The following CHLSN variants were observed in gnomAD, a reference collection of about 807,000 sequenced individuals.
CHLSN encodes protein cholesin.
chr7:1,022,935 G>T, the CHLSN span: 1 of 458,062 alleles, frequency 2.2e-6, no homozygotes, highest in South Asian at 1.5e-5. Flanking sequence ...TGGTCCCGGC[G>T]CAGACACTGG....
At chr7:1,051,786 C>T in the CHLSN span, among the ~76,000 whole-genome samples, 1 of 152,202 alleles carries the variant, frequency 6.6e-6, no homozygotes, top group East Asian at 1.9e-4. Context: ...CTAGCCTGGG[C>T]AACATAGTGA....
the CHLSN span, among the ~76,000 whole-genome samples, chr7:1,082,962 T>C: frequency 6.6e-6 from 1 of 152,202 alleles, no homozygotes; most frequent in Non-Finnish European, 1.5e-5. Context: ...TCCCCGAGGC[T>C]CCTTGAGGAA....
At chr7:1,015,135 C>T in the CHLSN span, among the ~76,000 whole-genome samples, 3 of 152,226 alleles carry the variant, frequency 2.0e-5, no homozygotes, top group African/African-American at 4.8e-5. Flanking sequence ...CAGCCGTGGC[C>T]TCACACCAGG....
the CHLSN span, chr7:1,093,486 G>A: frequency 2.1e-6 from 1 of 469,962 alleles, no homozygotes. Flanking sequence ...AGGCCCACGA[G>A]GAGCAGCAGC....
At chr7:1,102,443 G>A in the CHLSN span, among the ~76,000 whole-genome samples, 1 of 152,248 alleles carries the variant, frequency 6.6e-6, no homozygotes, top group Non-Finnish European at 1.5e-5. Flanking sequence ...CCACGACTGT[G>A]AAGCTCACAG....
chr7:1,044,771 TG>T, the CHLSN span: 2 of 152,190 alleles, frequency 1.3e-5, no homozygotes, highest in African/African-American at 4.8e-5. Flanking sequence ...CTGCGCTTAC[TG>T]GGACCCGGGT....
chr7:982,714 T>G, the CHLSN span, among the ~76,000 whole-genome samples: 1 of 152,220 alleles, frequency 6.6e-6, no homozygotes, highest in Non-Finnish European at 1.5e-5. Context: ...CGTGGGGAGC[T>G]GATCAGAGAA....
At chr7:1,123,517 G>A in the CHLSN span, among the ~76,000 whole-genome samples, 5 of 152,108 alleles carry the variant, frequency 3.3e-5, no homozygotes, top group African/African-American at 9.7e-5. This position sits in a 1 kb window ranked among gnomAD's most constrained non-coding sequence, Gnocchi z 4.4. Context: ...ACGCTCCCCC[G>A]GAGCCCAGGA....
chr7:1,015,628 G>A, the CHLSN span, among the ~76,000 whole-genome samples: 3,367 of 152,250 alleles, frequency 0.022, 128 homozygotes, highest in East Asian at 0.19. Context: ...ACCCAGGACT[G>A]ACCCAGGAGA....
At chr7:1,122,181 G>A in the CHLSN span, among the ~76,000 whole-genome samples, 3 of 152,338 alleles carry the variant, frequency 2.0e-5, no homozygotes, top group East Asian at 1.9e-4. Context: ...CAGCACCCAC[G>A]CCTCTGCCCC....
At chr7:1,044,426 C>G in the CHLSN span, 2 of 152,158 alleles carry the variant, frequency 1.3e-5, no homozygotes, top group Admixed American at 1.3e-4. Flanking sequence ...CTCACTGGTC[C>G]GAGCGGTTCC....
At chr7:1,023,765 C>T in the CHLSN span, among the ~76,000 whole-genome samples, 1 of 152,172 alleles carries the variant, frequency 6.6e-6, no homozygotes, top group East Asian at 1.9e-4. This position sits in a 1 kb window ranked among gnomAD's most constrained non-coding sequence, Gnocchi z 5.0. Flanking sequence ...TGACTGCTCA[C>T]ATCTCGGCAC....
the CHLSN span, chr7:997,836 GC>G: frequency 6.4e-5 from 102 of 1,584,624 alleles, no homozygotes; most frequent in East Asian, 1.7e-3. Flanking sequence ...TTGGTCAGGG[GC>G]GGGGCAGGGA....
chr7:997,018 G>C, the CHLSN span: 1 of 152,332 alleles, frequency 6.6e-6, no homozygotes. Context: ...CTGCTGGGTC[G>C]GGTTTTATTT....
the CHLSN span, among the ~76,000 whole-genome samples, chr7:1,095,624 C>A: frequency 6.6e-6 from 1 of 152,210 alleles, no homozygotes; most frequent in Admixed American, 6.5e-5. Flanking sequence ...CGTGGGGAGA[C>A]CCACACGGAA....
chr7:1,055,375 AGC>A, the CHLSN span: 122 of 470,732 alleles, frequency 2.6e-4, no homozygotes, highest in African/African-American at 2.4e-3. Context: ...GAAGCGCAGC[AGC>A]GCGCAGGTCC....
the CHLSN span, among the ~76,000 whole-genome samples, chr7:1,135,928 T>A: frequency 1.6e-5 from 2 of 122,634 alleles, no homozygotes; most frequent in Non-Finnish European, 3.1e-5. Context: ...TAAGTATATA[T>A]AAATATATAA....
At chr7:1,047,492 C>A in the CHLSN span, among the ~76,000 whole-genome samples, 1 of 152,256 alleles carries the variant, frequency 6.6e-6, no homozygotes, top group Non-Finnish European at 1.5e-5. Context: ...CGTGGAAACC[C>A]TGTGAAAACA....
At chr7:1,135,949 A>ATATATAAG in the CHLSN span, among the ~76,000 whole-genome samples, 53 of 87,084 alleles carry the variant, frequency 6.1e-4, no homozygotes, top group African/African-American at 1.6e-3. Flanking sequence ...GTATATATAA[A>ATATATAAG]TATATATAAA....
Sources: gnomAD v4.1 joint callset for allele counts (sites outside exome capture counted in the v4.1 genomes callset) on GRCh38, gnomAD v4.1.1 for gene constraint, Gnocchi (gnomAD v3.1) non-coding constraint, MANE v1.5 for transcripts, NCBI Gene and HGNC (gene_info 2026-07-23, HGNC 2026-07-21) for gene names.